The following SHANK2 variants were observed in gnomAD, a reference collection of about 807,000 sequenced individuals.
SHANK2 encodes the protein SH3 and multiple ankyrin repeat domains protein 2.
In SHANK2, 43 loss-of-function variants were observed where a neutral mutation model predicts 133.7. The observed-to-expected ratio is 0.32, with a 90% CI of 0.25 to 0.41. The LOEUF (loss-of-function observed/expected upper bound fraction) is 0.41, where lower values mean the gene tolerates loss of function less well. Among genes scored for constraint, SHANK2 ranks in the 10% least tolerant of loss-of-function variants. SHANK2 has a pLI of 1.00. For missense variants in SHANK2, 1,994 were observed against 2,235.8 expected (o/e 0.89, Z 2.18); for synonymous variants, 1,017 against 952.8 (o/e 1.07, Z -1.24).
At chr11:70,943,490 T>C (rs1446525816) in intron 10 of SHANK2, among the ~76,000 whole-genome samples, 1 of 152,044 alleles carries the variant, frequency 6.6e-6, no homozygotes, top group African/African-American at 2.4e-5. Context: ...GCTTTTCCCA[T>C]GCAAACAGAG....
At position 70,830,136 on chromosome 11, in the gene SHANK2, C is replaced by T. The variant is rs908257638; in HGVS notation, c.1175-9454G>A. 6.6e-6 allele frequency among the ~76,000 whole-genome samples: 1 copy of T among 152,176 alleles called. No individual in the cohort carries two copies. Among genetic ancestry groups the T allele is most frequent in the Admixed American group, 6.5e-5 (1 of 15,280 alleles). On this transcript the variant is annotated intron_variant, in intron 11 of 25. Transcript: ENST00000601538. This position sits in a 1 kb window ranked among gnomAD's most constrained non-coding sequence, Gnocchi z 4.4. Reference sequence around the variant, plus strand: ...CAGACTCTGCCCCGACAAACGCAAACCTTTGTGCAGCCTCCAGGGCAGTTT... The same window carrying T: ...CAGACTCTGCCCCGACAAACGCAAATCTTTGTGCAGCCTCCAGGGCAGTTT...
chr11:70,581,616 G>A (rs960425658), intron 17 of SHANK2, among the ~76,000 whole-genome samples: 13 of 152,188 alleles, frequency 8.5e-5, no homozygotes, highest in African/African-American at 2.7e-4. Flanking sequence ...ACTTGAACCC[G>A]GGAGGCGGAG....
At chr11:71,093,974 A>C (rs1294069327) in intron 7 of SHANK2, among the ~76,000 whole-genome samples, 2 of 152,012 alleles carry the variant, frequency 1.3e-5, no homozygotes, top group Non-Finnish European at 2.9e-5. Context: ...AGGGGCACGG[A>C]GCAGTAAGAC....
At chr11:70,826,731 G>A (rs1332149438) in intron 11 of SHANK2, 6 of 320,948 alleles carry the variant, frequency 1.9e-5, no homozygotes, top group South Asian at 5.1e-5. Flanking sequence ...CCAACTGCAC[G>A]TAGACGGGCT....
At chr11:70,877,510 C>G (rs984259311) in intron 11 of SHANK2, among the ~76,000 whole-genome samples, 5 of 152,248 alleles carry the variant, frequency 3.3e-5, no homozygotes, top group Non-Finnish European at 7.3e-5. Flanking sequence ...CCTGCCCTCC[C>G]CACCAGCTTC....
chr11:70,837,998 AAAAG>A (rs1948848352), intron 11 of SHANK2, among the ~76,000 whole-genome samples: 1 of 150,856 alleles, frequency 6.6e-6, no homozygotes, highest in Non-Finnish European at 1.5e-5. Flanking sequence ...AAAAAAAAAA[AAAAG>A]AAAAAAAAAA....
intron 14 of SHANK2, among the ~76,000 whole-genome samples, chr11:70,765,895 T>C (rs1424459396): frequency 1.3e-5 from 2 of 152,178 alleles, no homozygotes; most frequent in African/African-American, 4.8e-5. Flanking sequence ...TGGGAGGAAG[T>C]AGAGGACATC....
chr11:71,240,070 C>T (rs782210628), intron 1 of SHANK2, among the ~76,000 whole-genome samples: 3 of 152,148 alleles, frequency 2.0e-5, no homozygotes, highest in South Asian at 2.1e-4. Context: ...GTAAGAACCT[C>T]GTTCTTCGGG....
chr11:70,945,873 G>A (rs546726467), intron 10 of SHANK2, among the ~76,000 whole-genome samples: 2 of 152,118 alleles, frequency 1.3e-5, no homozygotes, highest in Admixed American at 1.3e-4. Context: ...GCCCTTGGTG[G>A]GAATGAACGT....
intron 10 of SHANK2, among the ~76,000 whole-genome samples, chr11:70,908,380 T>C (rs1474320761): frequency 6.6e-6 from 1 of 152,172 alleles, no homozygotes; most frequent in Admixed American, 6.5e-5. Flanking sequence ...CTGGCTTCCT[T>C]ACACGGTGTC....
At chr11:70,831,106 G>A (rs1353053048) in intron 11 of SHANK2, among the ~76,000 whole-genome samples, 2 of 152,190 alleles carry the variant, frequency 1.3e-5, no homozygotes, top group Admixed American at 1.3e-4. Flanking sequence ...TTGGGCTGGG[G>A]GCAGGCGGGT....
intron 14 of SHANK2, among the ~76,000 whole-genome samples, chr11:70,738,148 G>A (rs915412455): frequency 1.3e-5 from 2 of 152,270 alleles, no homozygotes; most frequent in Admixed American, 6.5e-5. Flanking sequence ...ACCATGCATC[G>A]CACAAGAGAA....
chr11:71,114,206 C>T (rs1555099921), intron 4 of SHANK2, among the ~76,000 whole-genome samples: 1 of 152,192 alleles, frequency 6.6e-6, no homozygotes, highest in Non-Finnish European at 1.5e-5. Flanking sequence ...ATAGCACCCA[C>T]CTCCCAGGGT....
intron 14 of SHANK2, among the ~76,000 whole-genome samples, chr11:70,769,273 C>T (rs1353817861): frequency 3.9e-5 from 6 of 152,130 alleles, no homozygotes; most frequent in Non-Finnish European, 7.4e-5. Context: ...CCCTGCTTCA[C>T]GCGGTGGCCC....
At chr11:71,159,524 G>A (rs1282192589) in intron 2 of SHANK2, among the ~76,000 whole-genome samples, 2 of 152,146 alleles carry the variant, frequency 1.3e-5, no homozygotes, top group Non-Finnish European at 2.9e-5. Context: ...GAATATCTTT[G>A]GGGGCCATTA....
At chr11:71,148,659 T>C (rs1414306253) in intron 2 of SHANK2, among the ~76,000 whole-genome samples, 2 of 152,196 alleles carry the variant, frequency 1.3e-5, no homozygotes, top group African/African-American at 2.4e-5. Flanking sequence ...TGGAAATGCA[T>C]GGTCACCCTG....
intron 11 of SHANK2, among the ~76,000 whole-genome samples, chr11:70,837,975 C>CAAAAAAAAAAA (rs55862093): frequency 5.9e-3 from 147 of 25,082 alleles, no homozygotes; most frequent in Non-Finnish European, 8.0e-3. Context: ...CATTCTGTCT[C>CAAAAAAAAAAA]AAAAAAAAAA....
chr11:70,591,311 C>A (rs2060317751), intron 17 of SHANK2, among the ~76,000 whole-genome samples: 1 of 151,306 alleles, frequency 6.6e-6, no homozygotes, highest in South Asian at 2.1e-4. Context: ...GAGATCATGC[C>A]ACTGCACTCC....
chr11:70,567,472 CA>C (rs1225274522), intron 17 of SHANK2, among the ~76,000 whole-genome samples: 2 of 151,914 alleles, frequency 1.3e-5, no homozygotes, highest in African/African-American at 4.8e-5. Flanking sequence ...ACTGAAAATA[CA>C]AAAATTAGCC....
Sources: allele counts gnomAD v4.1 joint callset (sites outside exome capture counted in the v4.1 genomes callset), GRCh38; gene constraint gnomAD v4.1.1; non-coding constraint Gnocchi (gnomAD v3.1); transcripts MANE v1.5; gene names NCBI Gene and HGNC (gene_info 2026-07-23, HGNC 2026-07-21).